Variants in ZNF705A observed in about 807,000 individuals in gnomAD.
The protein encoded by ZNF705A is zinc finger protein 705A.
A neutral mutation model predicts 16.6 loss-of-function variants in ZNF705A; 8 were observed. The observed-to-expected ratio is 0.48, with a 90% CI of 0.28 to 0.87. The LOEUF (loss-of-function observed/expected upper bound fraction) is 0.87, where lower values mean the gene tolerates loss of function less well. Ranked by LOEUF, ZNF705A falls within the 40% of genes least tolerant of loss-of-function variation. ZNF705A has a pLI of 0.10. For missense variants in ZNF705A, 233 were observed against 359.9 expected, an observed-to-expected ratio of 0.65 and a Z score of 2.85; for synonymous variants, 73 against 117.3, an observed-to-expected ratio of 0.62 and a Z score of 2.44.
At chr12:8,177,652 T>C in exon 5 of ZNF705A, 1 of 1,591,642 alleles carries the variant, frequency 6.3e-7, no homozygotes, top group Non-Finnish European at 8.5e-7. Flanking sequence ...TCAGTCAATG[T>C]ACTAGTCTTA....
chr12:8,177,041 T>C, exon 5 of ZNF705A: 1 of 1,611,052 alleles, frequency 6.2e-7, no homozygotes, highest in East Asian at 2.2e-5. Flanking sequence ...ATGTAATGAT[T>C]CGGGAGAAGA....
chr12:8,157,763 T>G (rs1005943526), intron 1 of ZNF705A, among the ~76,000 whole-genome samples: 1 of 152,172 alleles, frequency 6.6e-6, no homozygotes, highest in Non-Finnish European at 1.5e-5. Flanking sequence ...CAAGTTTTTA[T>G]ACTTGTAAAC....
intron 1 of ZNF705A, among the ~76,000 whole-genome samples, chr12:8,158,747 G>A (rs184912953): frequency 7.9e-5 from 12 of 151,842 alleles, no homozygotes; most frequent in Non-Finnish European, 1.0e-4. Flanking sequence ...TTTTCTTTAC[G>A]TTTTTTTCTC....
chr12:8,177,009 T>C (rs752210186), exon 5 of ZNF705A: 10 of 1,610,664 alleles, frequency 6.2e-6, no homozygotes, highest in South Asian at 5.5e-5. Flanking sequence ...GAGAACTCTC[T>C]CATTCTGGAG....
exon 5 of ZNF705A, chr12:8,177,724 C>T (rs1393909299): frequency 7.8e-7 from 1 of 1,283,274 alleles, no homozygotes; most frequent in Admixed American, 2.7e-5. Context: ...CATATTCTGA[C>T]TTTAGATGAC....
exon 5 of ZNF705A, chr12:8,177,009 T>G: frequency 6.2e-7 from 1 of 1,610,782 alleles, no homozygotes; most frequent in Non-Finnish European, 8.5e-7. Flanking sequence ...GAGAACTCTC[T>G]CATTCTGGAG....
chr12:8,174,317 A>G lies in ZNF705A; in HGVS notation c.13-9A>G, dbSNP rs1465342977. 8 of 1,594,428 alleles carry G rather than the reference A, an allele frequency of 5.0e-6. No homozygotes were observed. In the Admixed American group the frequency reaches 1.3e-4, roughly 27 times the overall value. On this transcript the variant is annotated splice_polypyrimidine_tract_variant and intron_variant, in intron 1 of 4. Coordinates refer to ENST00000359286, the Ensembl canonical transcript of ZNF705A. Reference sequence around the variant, plus strand: ...CTCTGTCTAAACTAAAATGTCTGTGATGTTTTAGAAGAAAGTGACTTTTGA... The same window carrying G: ...CTCTGTCTAAACTAAAATGTCTGTGGTGTTTTAGAAGAAAGTGACTTTTGA...
chr12:8,174,472 C>G lies in ZNF705A; in HGVS notation c.139+20C>G. The G allele has an allele frequency of 1.3e-6, 2 of 1,592,344 alleles. No individual in the cohort carries two copies. The highest frequency in any genetic ancestry group is 1.7e-6 in the Non-Finnish European group (2 of 1,176,164). On this transcript the variant is annotated intron_variant, in intron 2 of 4. Transcript: ENST00000359286. ...CCCTCGGTGAGTCCCTCAACATTCACGTACATATGTAGACACACATTCGCT... is the reference window on the plus strand; with the variant it reads ...CCCTCGGTGAGTCCCTCAACATTCAGGTACATATGTAGACACACATTCGCT...
upstream of ZNF705A, among the ~76,000 whole-genome samples, chr12:8,171,867 G>T (rs1948448265): frequency 6.6e-6 from 1 of 152,156 alleles, no homozygotes; most frequent in African/African-American, 2.4e-5. Context: ...CTCCTGAGTA[G>T]CTGGGATTAC....
intron 1 of ZNF705A, among the ~76,000 whole-genome samples, chr12:8,173,547 C>T (rs1948461956): frequency 6.6e-6 from 1 of 152,220 alleles, no homozygotes; most frequent in Non-Finnish European, 1.5e-5. Flanking sequence ...CAGGAGGCTT[C>T]ATATCACAGG....
intron 4 of ZNF705A, among the ~76,000 whole-genome samples, 160 bp from the exon 6 acceptor site, chr12:8,176,839 T>C (rs746783632): frequency 2.0e-5 from 3 of 152,280 alleles, no homozygotes; most frequent in East Asian, 3.9e-4. Flanking sequence ...TTAAATGAGT[T>C]TGGGGTCCCA....
At chr12:8,157,192 A>C in intron 1 of ZNF705A, 100 bp downstream of exon 1, 1 of 394,540 alleles carries the variant, frequency 2.5e-6, no homozygotes, top group Non-Finnish European at 4.5e-6. Context: ...CTGCTGCTTC[A>C]ACTGGAGACC....
upstream of ZNF705A, chr12:8,172,496 G>A (rs1565415700): frequency 1.2e-5 from 12 of 995,206 alleles, no homozygotes; most frequent in Admixed American, 4.5e-5. Context: ...GCTTTTCATC[G>A]GTTGATCTGA....
upstream of ZNF705A, among the ~76,000 whole-genome samples, chr12:8,170,193 C>G (rs1282585539): frequency 1.1e-4 from 12 of 114,280 alleles, no homozygotes; most frequent in South Asian, 9.9e-4. Flanking sequence ...CTCCCCCCCC[C>G]CCCAAAAAAA....
At position 8,167,342 on chromosome 12, in the gene ZNF705A, T is replaced by C. The variant is rs769538609; in HGVS notation, c.-71-5213T>C. Among the ~76,000 whole-genome samples the C allele has an allele frequency of 3.9e-5, 6 of 152,346 alleles. No individual in the cohort carries two copies. In the South Asian group the frequency reaches 1.2e-3, roughly 32 times the overall value. On this transcript the variant is annotated intron_variant, in intron 1 of 5. Coordinates refer to the ZNF705A transcript ENST00000396570. ...GTTTCCAACTTTGTGTGAGGGTTTT[T>C]AGTAGTAGTCTCAAAAATCCAATCA...
At chr12:8,158,833 A>G (rs1377345907) in intron 1 of ZNF705A, among the ~76,000 whole-genome samples, 1 of 151,908 alleles carries the variant, frequency 6.6e-6, no homozygotes, top group Non-Finnish European at 1.5e-5. Context: ...AAAATTTTCC[A>G]TAGGTTACTG....
At chr12:8,175,395 T>C in intron 3 of ZNF705A, 72 bp downstream of exon 4, 1 of 1,103,196 alleles carries the variant, frequency 9.1e-7, no homozygotes, top group Admixed American at 2.1e-5. Context: ...TGAATATTAA[T>C]TAGTGGTTTT....
rs761054401 is a variant in ZNF705A at position 8,159,513 on chromosome 12, A to G, written c.-72+2421A>G. Among the ~76,000 whole-genome samples, 6 of 152,232 alleles carry G rather than the reference A, an allele frequency of 3.9e-5. No individual in the cohort carries two copies. The East Asian group carries it at 1.2e-3, about 29-fold the overall frequency. ...CTTTATGGCCATTCTTTCAGGAGTA[A>G]GGTCGTATCACACTGTGGTTTTGAT... is the stretch of plus-strand genomic sequence containing the variant. On this transcript the variant is annotated intron_variant, in intron 1 of 5. Coordinates refer to the ZNF705A transcript ENST00000396570.
intron 1 of ZNF705A, among the ~76,000 whole-genome samples, chr12:8,163,804 A>T (rs991653407): frequency 6.6e-6 from 1 of 152,164 alleles, no homozygotes; most frequent in East Asian, 1.9e-4. Flanking sequence ...ATCCCCACCT[A>T]TCATTTTTGA....
Sources: allele counts gnomAD v4.1 joint callset (sites outside exome capture counted in the v4.1 genomes callset), GRCh38; gene constraint gnomAD v4.1.1; transcripts MANE v1.5; gene names NCBI Gene and HGNC (gene_info 2026-07-23, HGNC 2026-07-21).